LHFPL1: variants seen among roughly 807,000 people sequenced by gnomAD.
LHFPL1 encodes the protein LHFPL tetraspan subfamily member 1 protein.
In LHFPL1, 4 loss-of-function variants were observed where a neutral mutation model predicts 12.1. That is an observed-to-expected ratio of 0.33 (90% CI 0.16 to 0.76). The LOEUF (loss-of-function observed/expected upper bound fraction) is 0.76. LHFPL1 is among the 30% of genes least tolerant of loss of function. LHFPL1 has a pLI of 0.61. For missense variants in LHFPL1, 141 were observed against 174.1 expected (o/e 0.81, Z 1.07); for synonymous variants, 52 against 61.9 (o/e 0.84, Z 0.75).
intron 2 of LHFPL1, among the ~76,000 whole-genome samples, chrX:112,670,724 A>C (rs944358160): frequency 2.7e-5 from 3 of 112,243 alleles, no homozygotes; most frequent in African/African-American, 9.7e-5. Context: ...TTAATAGATA[A>C]TGTTTTTAAA....
rs754150560 is a variant in LHFPL1, at chrX:112,636,134, C to T, written c.482-4533G>A. 3.6e-5 allele frequency among the ~76,000 whole-genome samples: 4 copies of T among 111,359 alleles called. No homozygotes were observed. The South Asian group carries it at 1.2e-3, about 32-fold the overall frequency. ...ATAGCAACTTATTCTTCCTCCCCAC[C>T]AAGTTGTGAAAACCAAAAATGTCAC... On this transcript the variant is annotated intron_variant, in intron 3 of 3. Transcript: ENST00000371968.
intron 3 of LHFPL1, among the ~76,000 whole-genome samples, chrX:112,642,372 A>G: frequency 9.8e-6 from 1 of 101,605 alleles, no homozygotes; most frequent in Middle Eastern, 5.3e-3. Flanking sequence ...AAAATAAATA[A>G]AAATTTATAT....
chrX:112,661,057 T>G (rs28598268), intron 2 of LHFPL1, among the ~76,000 whole-genome samples: 4,574 of 111,957 alleles, frequency 0.041, 241 homozygotes, highest in African/African-American at 0.14. Flanking sequence ...TGCCTTGGTC[T>G]GATACACAGA....
At chrX:112,638,023 G>A (rs1300265936) in intron 3 of LHFPL1, among the ~76,000 whole-genome samples, 1 of 111,294 alleles carries the variant, frequency 9.0e-6, no homozygotes, top group Non-Finnish European at 1.9e-5. Flanking sequence ...CAGGCAAGAA[G>A]GGAAAAATCC....
At position 112,660,679 on chromosome X, in the gene LHFPL1, A is replaced by G. The variant is rs769707844; in HGVS notation, c.429T>C (p.Asn143=). ...SGCALYPLGW[N]SPEIMQTCGN... is the part of the protein sequence containing the mutation. Reference sequence around the variant, plus strand: ...CACATGTTTGCATTATCTCCGGGCTATTCCATCCTAAAGGGTATAAGGCAC... The same window carrying G: ...CACATGTTTGCATTATCTCCGGGCTGTTCCATCCTAAAGGGTATAAGGCAC... Residue 143 remains asparagine, a synonymous_variant, in exon 3 of 4, where the codon AAT becomes AAC. Coordinates refer to ENST00000371968, the MANE Select transcript of LHFPL1 (RefSeq NM_178175.4). 4 of 1,209,241 alleles carry G rather than the reference A, an allele frequency of 3.3e-6. No individual in the cohort carries two copies. The African/African-American group carries it at 7.0e-5, about 21-fold the overall frequency.
rs763623869 is a variant in LHFPL1, at chrX:112,664,280, C to G, written c.383-3555G>C. 5.4e-5 allele frequency among the ~76,000 whole-genome samples: 6 copies of G among 111,898 alleles called. No individual in the cohort carries two copies. In the South Asian group the frequency reaches 2.3e-3, roughly 43 times the overall value. Reference sequence around the variant, plus strand: ...AAGAATTAATATACATAAAGTGCCTCGTACATAGCAAGTGCTCAAGAAAAA... The same window carrying G: ...AAGAATTAATATACATAAAGTGCCTGGTACATAGCAAGTGCTCAAGAAAAA... On this transcript the variant is annotated intron_variant, in intron 2 of 3. Coordinates refer to ENST00000371968, the MANE Select transcript of LHFPL1 (RefSeq NM_178175.4).
chrX:112,664,547 C>T (rs928759170), intron 2 of LHFPL1, among the ~76,000 whole-genome samples: 1 of 111,517 alleles, frequency 9.0e-6, no homozygotes, highest in African/African-American at 3.3e-5. Flanking sequence ...CATGTAGCTC[C>T]GTGCTCTGCC....
chrX:112,650,778 TTAGA>T (rs1930832311), intron 3 of LHFPL1, among the ~76,000 whole-genome samples: 1 of 111,630 alleles, frequency 9.0e-6, no homozygotes, highest in Admixed American at 9.6e-5. Flanking sequence ...ATTAATAAAA[TTAGA>T]TATTTATTTA....
At chrX:112,675,719 CA>C (rs1463848911) in intron 1 of LHFPL1, among the ~76,000 whole-genome samples, 1 of 111,022 alleles carries the variant, frequency 9.0e-6, no homozygotes, top group Non-Finnish European at 1.9e-5. Flanking sequence ...AGGAAAGTCC[CA>C]AAAAACCTTG....
intron 1 of LHFPL1, among the ~76,000 whole-genome samples, chrX:112,674,262 C>T (rs931875500): frequency 2.7e-5 from 3 of 111,474 alleles, no homozygotes; most frequent in Non-Finnish European, 5.7e-5. Context: ...AAACTGGATC[C>T]TTATCTCTCA....
chrX:112,671,575 T>A (rs1447021156), intron 1 of LHFPL1, 171 bp from the exon 2 acceptor site: 1 of 1,071,092 alleles, frequency 9.3e-7, no homozygotes, highest in East Asian at 3.2e-5. Flanking sequence ...TGGATCCCTG[T>A]GGGATTTTGC....
chrX:112,642,560 A>G (rs1930544857), intron 3 of LHFPL1, among the ~76,000 whole-genome samples: 1 of 106,572 alleles, frequency 9.4e-6, no homozygotes, highest in Non-Finnish European at 1.9e-5. Context: ...TGCATAGACA[A>G]CTGGCTCACA....
At chrX:112,656,754 G>T (rs1434467080) in intron 3 of LHFPL1, among the ~76,000 whole-genome samples, 1 of 112,592 alleles carries the variant, frequency 8.9e-6, no homozygotes, top group Non-Finnish European at 1.9e-5. Flanking sequence ...CAAACTCATT[G>T]TAACTTAAAA....
At chrX:112,659,847 T>C (rs947822548) in intron 3 of LHFPL1, among the ~76,000 whole-genome samples, 22 of 112,102 alleles carry the variant, frequency 2.0e-4, no homozygotes, top group African/African-American at 7.1e-4. Context: ...GGAACAACTT[T>C]CTCAAAAATG....
intron 1 of LHFPL1, among the ~76,000 whole-genome samples, chrX:112,676,281 C>T (rs772128067): frequency 3.6e-5 from 4 of 112,056 alleles, no homozygotes; most frequent in Non-Finnish European, 5.6e-5. Flanking sequence ...CTGTTGTATA[C>T]TTCATGTATG....
intron 2 of LHFPL1, among the ~76,000 whole-genome samples, chrX:112,669,333 T>C: frequency 8.9e-6 from 1 of 112,555 alleles, no homozygotes; most frequent in African/African-American, 3.2e-5. Flanking sequence ...CTATTTGTAA[T>C]ACCCATGGAG....
intron 2 of LHFPL1, among the ~76,000 whole-genome samples, chrX:112,670,037 C>G (rs1290810449): frequency 9.0e-6 from 1 of 111,698 alleles, no homozygotes; most frequent in Non-Finnish European, 1.9e-5. Flanking sequence ...CACAGAGCAA[C>G]TTGGTGAAAA....
At chrX:112,657,909 C>CAAAAAAAAAAAAAAAAAA (rs57793060) in intron 3 of LHFPL1, among the ~76,000 whole-genome samples, 1 of 61,343 alleles carries the variant, frequency 1.6e-5, no homozygotes, top group African/African-American at 4.6e-5. Context: ...AAAACAGAAG[C>CAAAAAAAAAAAAAAAAAA]AAAAAAAAAA....
chrX:112,664,915 A>G (rs192137533), intron 2 of LHFPL1, among the ~76,000 whole-genome samples: 1 of 112,003 alleles, frequency 8.9e-6, no homozygotes, highest in African/African-American at 3.2e-5. Flanking sequence ...CCTCAGCCCC[A>G]GGTATTTGAT....
Sources: allele counts gnomAD v4.1 joint callset (sites outside exome capture counted in the v4.1 genomes callset), GRCh38; gene constraint gnomAD v4.1.1; transcripts MANE v1.5; gene names NCBI Gene and HGNC (gene_info 2026-07-23, HGNC 2026-07-21).